The following PTPRD variants were observed in gnomAD, a reference collection of about 807,000 sequenced individuals.
PTPRD encodes receptor-type tyrosine-protein phosphatase delta.
A neutral mutation model predicts 214.5 loss-of-function variants in PTPRD; 34 were observed. That is an observed-to-expected ratio of 0.16 (90% CI 0.12 to 0.21). PTPRD has a LOEUF of 0.21. Ranked by LOEUF, PTPRD falls within the 10% of genes least tolerant of loss-of-function variation. The pLI is 1.00. For missense variants in PTPRD, 2,545 were observed against 2,398.7 expected (o/e 1.06, Z -1.27); for synonymous variants, 1,128 against 845.7 (o/e 1.33, Z -5.79).
At chr9:8,980,382 G>C (rs761122740) in intron 11 of PTPRD, among the ~76,000 whole-genome samples, 2 of 151,962 alleles carry the variant, frequency 1.3e-5, no homozygotes, top group Non-Finnish European at 2.9e-5. Context: ...GTAGATTTTA[G>C]CTGCTTTTGT....
chr9:8,927,098 T>TA lies in PTPRD; in HGVS notation c.-104+91598dup, dbSNP rs569360876. On this transcript the variant is annotated intron_variant, in intron 11 of 45. Transcript: ENST00000381196. Reference sequence around the variant, plus strand: ...CAGAGCAAGTTAGTAGCTACATTTTTACTAGCTCTTAAGAACATAAAAAAA... The same window carrying TA: ...CAGAGCAAGTTAGTAGCTACATTTTTAACTAGCTCTTAAGAACATAAAAAAA... Among the ~76,000 whole-genome samples, 307 of 152,266 alleles carry TA rather than the reference T, an allele frequency of 2.0e-3. 2 individuals carry two copies. Among genetic ancestry groups the TA allele is most frequent in the African/African-American group, 6.3e-3 (260 of 41,556 alleles).
At chr9:9,288,761 C>A (rs746618897) in intron 9 of PTPRD, among the ~76,000 whole-genome samples, 1 of 151,862 alleles carries the variant, frequency 6.6e-6, no homozygotes, top group Non-Finnish European at 1.5e-5. Flanking sequence ...ATAATCTCTA[C>A]GTGTCATGGG....
At chr9:9,603,282 G>GC (rs2154339142) in intron 7 of PTPRD, among the ~76,000 whole-genome samples, 1 of 152,272 alleles carries the variant, frequency 6.6e-6, no homozygotes, top group South Asian at 2.1e-4. Flanking sequence ...TACACCCCTT[G>GC]CATAGGCATG....
At chr9:9,014,190 TG>T (rs1362870060) in intron 11 of PTPRD, among the ~76,000 whole-genome samples, 15 of 109,112 alleles carry the variant, frequency 1.4e-4, no homozygotes, top group South Asian at 1.2e-3. Flanking sequence ...TTTTTTTGTT[TG>T]TTTGTTTGTT....
intron 12 of PTPRD, among the ~76,000 whole-genome samples, chr9:8,658,487 A>C (rs2096959367): frequency 6.6e-6 from 1 of 152,162 alleles, no homozygotes; most frequent in African/African-American, 2.4e-5. Flanking sequence ...GTTAACTATC[A>C]AGAAAGATAT....
chr9:9,703,423 G>A (rs914920459), intron 7 of PTPRD, among the ~76,000 whole-genome samples: 3 of 152,046 alleles, frequency 2.0e-5, no homozygotes, highest in Admixed American at 6.6e-5. Flanking sequence ...TAAACCTCCA[G>A]TAATCAAAGT....
chr9:8,423,651 G>A (rs1411327204), intron 35 of PTPRD, among the ~76,000 whole-genome samples: 5 of 152,024 alleles, frequency 3.3e-5, no homozygotes, highest in African/African-American at 1.2e-4. Flanking sequence ...TAGTGAGAAG[G>A]GCACCTTGCC....
intron 11 of PTPRD, among the ~76,000 whole-genome samples, chr9:8,993,253 G>A (rs939383679): frequency 1.1e-4 from 16 of 152,072 alleles, no homozygotes; most frequent in African/African-American, 3.9e-4. Flanking sequence ...TGAGCCCCAG[G>A]ACAGGTTGCT....
At chr9:10,528,530 T>A (rs116249451) in intron 2 of PTPRD, among the ~76,000 whole-genome samples, 5,237 of 152,234 alleles carry the variant, frequency 0.034, 117 homozygotes, top group Middle Eastern at 0.078. Context: ...TATATTCTAT[T>A]AAAATATATA....
At chr9:8,873,944 C>T (rs2098344733) in intron 11 of PTPRD, among the ~76,000 whole-genome samples, 2 of 152,264 alleles carry the variant, frequency 1.3e-5, no homozygotes, top group South Asian at 4.2e-4. Flanking sequence ...TGCACCTGGT[C>T]ATTAAAACAT....
Position 9,074,888 on chromosome 9 carries a change from T to C in PTPRD, c.-142-56153A>G, listed in dbSNP as rs2099748780. Among the ~76,000 whole-genome samples the C allele has an allele frequency of 4.0e-5, 6 of 151,866 alleles. No homozygotes were observed. In the South Asian group the frequency reaches 8.3e-4, roughly 21 times the overall value. On this transcript the variant is annotated intron_variant, in intron 10 of 45. Transcript: ENST00000381196. ...CTGAGGAAAAGAAATTACAATTTAG[T>C]TTGGGAGGTATTTTGGGCAAAAAAA...
chr9:10,336,306 G>C (rs1244164211), intron 3 of PTPRD, among the ~76,000 whole-genome samples: 1 of 151,604 alleles, frequency 6.6e-6, no homozygotes, highest in Non-Finnish European at 1.5e-5. Flanking sequence ...CTGAATCTCA[G>C]AATTTGGGTG....
chr9:9,550,085 G>A (rs2079818456), intron 8 of PTPRD, among the ~76,000 whole-genome samples: 1 of 151,904 alleles, frequency 6.6e-6, no homozygotes, highest in Non-Finnish European at 1.5e-5. Flanking sequence ...ATGATACCTT[G>A]AATAAAGCAG....
At chr9:8,758,560 G>A (rs10977282) in intron 11 of PTPRD, among the ~76,000 whole-genome samples, 2 of 152,114 alleles carry the variant, frequency 1.3e-5, no homozygotes, top group African/African-American at 2.4e-5. Flanking sequence ...CATAAATTTT[G>A]GGCTGTCACA....
intron 2 of PTPRD, among the ~76,000 whole-genome samples, chr9:10,435,142 T>G (rs1423538551): frequency 6.6e-6 from 1 of 151,872 alleles, no homozygotes; most frequent in South Asian, 2.1e-4. Flanking sequence ...AGGAAGCCAA[T>G]GCAAGTTGGC....
At chr9:8,661,879 G>A (rs867558814) in intron 12 of PTPRD, among the ~76,000 whole-genome samples, 1 of 152,112 alleles carries the variant, frequency 6.6e-6, no homozygotes, top group East Asian at 1.9e-4. Flanking sequence ...TATTGAAAGG[G>A]ACAGCTAATT....
At chr9:9,901,136 G>C (rs964263565) in intron 5 of PTPRD, among the ~76,000 whole-genome samples, 8 of 152,048 alleles carry the variant, frequency 5.3e-5, no homozygotes, top group African/African-American at 1.9e-4. Flanking sequence ...TGTATAACAC[G>C]GCGAGACTGG....
chr9:9,143,067 C>G (rs1269564920), intron 10 of PTPRD, among the ~76,000 whole-genome samples: 1 of 152,136 alleles, frequency 6.6e-6, no homozygotes, highest in African/African-American at 2.4e-5. Context: ...CTCCTCTCAC[C>G]CGTCTGGATG....
chr9:9,000,810 G>A (rs1260193789), intron 11 of PTPRD, among the ~76,000 whole-genome samples: 2 of 151,912 alleles, frequency 1.3e-5, no homozygotes, highest in Non-Finnish European at 2.9e-5. Context: ...TTAACCTGAA[G>A]AGACCCTCTA....
Sources: allele counts gnomAD v4.1 joint callset (sites outside exome capture counted in the v4.1 genomes callset), GRCh38; gene constraint gnomAD v4.1.1; transcripts MANE v1.5; gene names NCBI Gene and HGNC (gene_info 2026-07-23, HGNC 2026-07-21).